The following PIAS1 variants were observed in gnomAD, a reference collection of about 807,000 sequenced individuals.
The protein encoded by PIAS1 is protein inhibitor of activated STAT 1, also known as E3 SUMO-protein ligase PIAS1.
Under a neutral mutation model 71.3 loss-of-function variants are expected in PIAS1, and 6 were observed. The ratio of observed to expected loss-of-function variants is 0.08; its 90% CI spans 0.05 to 0.17. The LOEUF is 0.17. Among genes scored for constraint, PIAS1 ranks in the 10% least tolerant of loss-of-function variants. The probability of loss-of-function intolerance (pLI) is 1.00; values close to 1 mark genes in which losing one functional copy is unlikely to be tolerated. For synonymous variants in PIAS1, 303 were observed against 292.9 expected (o/e 1.03, Z -0.35); for missense variants, 555 against 793.6 (o/e 0.70, Z 3.61).
At chr15:68,066,110 G>T (rs1329864520) in intron 1 of PIAS1, among the ~76,000 whole-genome samples, 2 of 150,776 alleles carry the variant, frequency 1.3e-5, no homozygotes, top group African/African-American at 4.9e-5. Context: ...TTTTTTCAAG[G>T]TTATGTTTTT....
chr15:68,134,716 G>A (rs1185532026), intron 2 of PIAS1, among the ~76,000 whole-genome samples: 4 of 39,754 alleles, frequency 1.0e-4, no homozygotes, highest in African/African-American at 2.1e-4. Context: ...CCGGGCGGGG[G>A]CTGACCCCCC....
intron 1 of PIAS1, among the ~76,000 whole-genome samples, chr15:68,060,394 C>T (rs1432938388): frequency 6.6e-6 from 1 of 152,046 alleles, no homozygotes; most frequent in East Asian, 1.9e-4. Context: ...GTGGACAGAT[C>T]ACGAGGTCAG....
At chr15:68,088,200 A>ATATATATATATATATATG (rs1487846650) in intron 2 of PIAS1, among the ~76,000 whole-genome samples, 2 of 143,428 alleles carry the variant, frequency 1.4e-5, no homozygotes, top group East Asian at 4.1e-4. Context: ...ATATATATAT[A>ATATATATATATATATATG]TCCCATTTTA....
chr15:68,099,134 TTG>T (rs2092402404), intron 2 of PIAS1, among the ~76,000 whole-genome samples: 1 of 149,234 alleles, frequency 6.7e-6, no homozygotes, highest in Non-Finnish European at 1.5e-5. Context: ...GTGAAGTTTG[TTG>T]TTGTTGTTGT....
intron 7 of PIAS1, among the ~76,000 whole-genome samples, chr15:68,157,928 TTCTG>T (rs1271835493): frequency 6.6e-6 from 1 of 152,226 alleles, no homozygotes; most frequent in Admixed American, 6.5e-5. Flanking sequence ...CAAATGTGCC[TTCTG>T]TCTATCATGC....
intron 1 of PIAS1, among the ~76,000 whole-genome samples, chr15:68,058,584 T>TA (rs1000417868): frequency 2.6e-5 from 4 of 152,348 alleles, no homozygotes; most frequent in Non-Finnish European, 5.9e-5. Context: ...TTGTTGCTGA[T>TA]ACTTTCCCTT....
rs1230913400 is a variant in PIAS1, at chr15:68,183,679, A to G, written c.1662+12A>G. On this transcript the variant is annotated intron_variant, in intron 13 of 13. Transcript: ENST00000249636. ...CAGGAGACAATCAGGTATGTTATGA[A>G]AAATTTACTATTATTTTAATTGTAC... The G allele has an allele frequency of 5.1e-6, 5 of 977,394 alleles. No individual in the cohort carries two copies. The East Asian group carries it at 1.3e-4, about 26-fold the overall frequency. The allele number at this position is 977,394 out of a possible 1,614,324, so 60.5% of individuals were successfully genotyped here.
rs958879973 is a variant in PIAS1 at position 68,142,237 on chromosome 15, C to T, written c.555-53C>T. 5.5e-6 allele frequency: 8 copies of T among 1,455,346 alleles called. No individual in the cohort carries two copies. In the African/African-American group the frequency reaches 5.6e-5, roughly 10 times the overall value. The allele number at this position is 1,455,346 out of a possible 1,614,324, so 90.2% of individuals were successfully genotyped here. A position where few individuals can be genotyped will look rare whatever the true frequency, so the allele number is the denominator to read the frequency against. ...TGGAGTAACAAGGTCTTTGAATGAACTTTCATGCAAATACTTTAAAAGTAA... is the reference window on the plus strand; with the variant it reads ...TGGAGTAACAAGGTCTTTGAATGAATTTTCATGCAAATACTTTAAAAGTAA... On this transcript the variant is annotated intron_variant, in intron 3 of 13. Transcript: ENST00000249636.
chr15:68,082,025 T>G (rs987486448), intron 1 of PIAS1, among the ~76,000 whole-genome samples: 3 of 152,046 alleles, frequency 2.0e-5, no homozygotes, highest in African/African-American at 7.2e-5. Flanking sequence ...ATGGGTCAGA[T>G]TGGTACTAGG....
At chr15:68,107,935 A>G (rs143362208) in intron 2 of PIAS1, among the ~76,000 whole-genome samples, 45 of 152,322 alleles carry the variant, frequency 3.0e-4, no homozygotes, top group African/African-American at 1.1e-3. Flanking sequence ...GAAACTATTA[A>G]CTAATCTTGT....
intron 2 of PIAS1, among the ~76,000 whole-genome samples, chr15:68,097,293 T>C (rs1418917634): frequency 6.6e-6 from 1 of 152,208 alleles, no homozygotes; most frequent in African/African-American, 2.4e-5. Context: ...GAATTTGAAG[T>C]GTAGATATTC....
intron 2 of PIAS1, among the ~76,000 whole-genome samples, chr15:68,129,557 C>G (rs1301758236): frequency 6.6e-6 from 1 of 150,632 alleles, no homozygotes; most frequent in African/African-American, 2.4e-5. Context: ...CAAAAGAAAA[C>G]ACTGCATGCT....
intron 12 of PIAS1, chr15:68,181,906 C>T (rs192709581): frequency 1.3e-5 from 2 of 152,962 alleles, no homozygotes; most frequent in Non-Finnish European, 2.9e-5. Flanking sequence ...GTCCTGACCT[C>T]GTGGTCCTCC....
intron 11 of PIAS1, among the ~76,000 whole-genome samples, chr15:68,179,525 T>C (rs192050258): frequency 7.5e-4 from 111 of 147,742 alleles, no homozygotes; most frequent in African/African-American, 2.7e-3. Flanking sequence ...ACTGGAACTC[T>C]ATTCCTAGAA....
intron 2 of PIAS1, among the ~76,000 whole-genome samples, chr15:68,110,045 T>C (rs1205451827): frequency 6.6e-6 from 1 of 152,212 alleles, no homozygotes; most frequent in Non-Finnish European, 1.5e-5. Flanking sequence ...AAGCCAGATA[T>C]ATTTTATGCA....
At chr15:68,080,594 C>A (rs758091060) in intron 1 of PIAS1, among the ~76,000 whole-genome samples, 2 of 152,140 alleles carry the variant, frequency 1.3e-5, no homozygotes, top group Non-Finnish European at 2.9e-5. Flanking sequence ...TGCTTATTAA[C>A]AATTTGTAAT....
rs1469439448 is a variant in PIAS1, at chr15:68,190,056, C to CA, written c.*2222dup. The CA allele has an allele frequency of 6.6e-6, 1 of 152,154 alleles. No individual in the cohort carries two copies. The highest frequency in any genetic ancestry group is 1.5e-5 in the Non-Finnish European group (1 of 68,024). The allele number at this position is 152,154 out of a possible 1,614,324, so 9.4% of individuals were successfully genotyped here. A position where few individuals can be genotyped will look rare whatever the true frequency, so the allele number is the denominator to read the frequency against. ...TTGTTAGTGGTCTCAGAATTCTGAT[C>CA]AGTAACTTTGTGTATGATGCTGAAT... is the stretch of plus-strand genomic sequence containing the variant. On this transcript the variant is annotated 3_prime_UTR_variant, in exon 14 of 14. Coordinates refer to ENST00000249636, the MANE Select transcript of PIAS1 (RefSeq NM_016166.3). The surrounding 1 kb of genome is among the most constrained non-coding windows in gnomAD (Gnocchi z 4.7).
In PIAS1 at chr15:68,086,809, C is replaced by T. The variant is rs996006620; in HGVS notation, c.469+59C>T. ...TTGCAGGATGAATTTTCGTTTTAGG[C>T]TTTTACTTTGACCCAGTTTATTATT... On this transcript the variant is annotated intron_variant, in intron 2 of 13. Transcript: ENST00000249636. This position sits in a 1 kb window ranked among gnomAD's most constrained non-coding sequence, Gnocchi z 7.2. 6 of 1,042,612 alleles carry T rather than the reference C, an allele frequency of 5.8e-6. No individual in the cohort carries two copies. Among genetic ancestry groups the T allele is most frequent in the Non-Finnish European group, 8.6e-6 (6 of 700,470 alleles). The allele number at this position is 1,042,612 out of a possible 1,614,324, so 64.6% of individuals were successfully genotyped here.
chr15:68,176,372 A>T, intron 10 of PIAS1, 102 bp from the exon 11 acceptor site: 1 of 674,182 alleles, frequency 1.5e-6, no homozygotes, highest in Non-Finnish European at 2.3e-6. Flanking sequence ...GGCTCCAACA[A>T]TATTGTGAAT....
Sources: gnomAD v4.1 joint callset for allele counts (sites outside exome capture counted in the v4.1 genomes callset) on GRCh38, gnomAD v4.1.1 for gene constraint, Gnocchi (gnomAD v3.1) non-coding constraint, MANE v1.5 for transcripts, NCBI Gene and HGNC (gene_info 2026-07-23, HGNC 2026-07-21) for gene names.